Variants in TMPRSS7 observed in about 807,000 individuals in gnomAD.
The protein encoded by TMPRSS7 is transmembrane protease serine 7.
In TMPRSS7, 81 loss-of-function variants were observed where a neutral mutation model predicts 95.6. The observed-to-expected ratio is 0.85, with a 90% CI of 0.71 to 1.02. The LOEUF is 1.02. TMPRSS7 is among the 50% of genes least tolerant of loss of function. The pLI is 0.00. For synonymous variants in TMPRSS7, 364 were observed against 337.8 expected, an observed-to-expected ratio of 1.08 and a Z score of -0.85; for missense variants, 945 against 955.2, an observed-to-expected ratio of 0.99 and a Z score of 0.14.
intron 13 of TMPRSS7, among the ~76,000 whole-genome samples, chr3:112,073,896 T>A (rs905337085): frequency 2.6e-5 from 4 of 152,232 alleles, no homozygotes; most frequent in African/African-American, 9.6e-5. Context: ...CACAAGTCTG[T>A]CCATTTTGCC....
intron 16 of TMPRSS7, among the ~76,000 whole-genome samples, chr3:112,078,176 T>C (rs2073735901): frequency 6.6e-6 from 1 of 152,212 alleles, no homozygotes; most frequent in African/African-American, 2.4e-5. Context: ...GCTCAGTGCT[T>C]TGATTACATT....
intron 11 of TMPRSS7, among the ~76,000 whole-genome samples, chr3:112,062,290 A>T (rs577998100): frequency 2.8e-4 from 43 of 152,354 alleles, no homozygotes; most frequent in Non-Finnish European, 3.2e-4. Flanking sequence ...CATGTAGTGG[A>T]TCCAAAGCCA....
chr3:112,048,320 G>A (rs1369624375), intron 7 of TMPRSS7, among the ~76,000 whole-genome samples: 1 of 152,118 alleles, frequency 6.6e-6, no homozygotes, highest in African/African-American at 2.4e-5. Context: ...TATGATGATT[G>A]CATCACATTA....
At chr3:112,039,371 T>C (rs923110113) in intron 2 of TMPRSS7, among the ~76,000 whole-genome samples, 5 of 152,246 alleles carry the variant, frequency 3.3e-5, no homozygotes, top group African/African-American at 1.2e-4. Context: ...TTTATATACA[T>C]ACATTTTGTT....
At chr3:112,054,494 T>C (rs1014836629) in intron 9 of TMPRSS7, among the ~76,000 whole-genome samples, 2 of 152,144 alleles carry the variant, frequency 1.3e-5, no homozygotes, top group Non-Finnish European at 2.9e-5. Flanking sequence ...AAATGTAGAA[T>C]TGTGTGCAAT....
intron 7 of TMPRSS7, among the ~76,000 whole-genome samples, chr3:112,048,579 AGG>A (rs1559954599): frequency 1.4e-4 from 21 of 152,344 alleles, no homozygotes; most frequent in African/African-American, 4.8e-4. Flanking sequence ...ATAATGAATT[AGG>A]CTTCATTAAG....
intron 1 of TMPRSS7, among the ~76,000 whole-genome samples, chr3:112,035,416 C>T (rs2073144385): frequency 6.6e-6 from 1 of 152,202 alleles, no homozygotes; most frequent in African/African-American, 2.4e-5. Context: ...CAACACTTCA[C>T]TCCAGGGGTT....
rs537032397 is a variant in TMPRSS7, at chr3:112,066,345, C to A, written c.1556-47C>A. 6.7e-5 allele frequency: 104 copies of A among 1,546,666 alleles called. 4 individuals carry two copies. In the South Asian group the frequency reaches 1.2e-3, roughly 17 times the overall value. ...CACTGCTGATCATCAGAGAACCCAG[C>A]TGGTGTCTCAGGCTCGTGAACTTTC... is the stretch of plus-strand genomic sequence containing the variant. On this transcript the variant is annotated intron_variant, in intron 12 of 17. Transcript: ENST00000452346.
chr3:112,057,930 T>C (rs534006999), intron 10 of TMPRSS7, among the ~76,000 whole-genome samples: 2 of 152,252 alleles, frequency 1.3e-5, no homozygotes, highest in East Asian at 1.9e-4. Context: ...TTTGCCATGT[T>C]GGCCGGGCTG....
chr3:112,044,271 C>T lies in TMPRSS7; in HGVS notation c.446C>T (p.Thr149Ile). 1 of 1,550,722 alleles carries T rather than the reference C, an allele frequency of 6.4e-7. No individual in the cohort carries two copies. The highest frequency in any genetic ancestry group is 1.4e-5 in the African/African-American group (1 of 73,134). ...CTTTTTCAGATAAACCTGGTTTATA[C>T]AACATCTGCCTTCTCCAAATTTTAT... The change falls in exon 4 of 18, where the codon ACA (threonine) becomes ATA (isoleucine). Residue 149 changes from threonine (T) to isoleucine (I), a missense_variant. Transcript: ENST00000452346.
chr3:112,045,613 T>C, intron 4 of TMPRSS7, 137 bp from the exon 5 acceptor site: 1 of 756,604 alleles, frequency 1.3e-6, no homozygotes. Flanking sequence ...ATAACAGACG[T>C]CAATGACTAC....
intron 10 of TMPRSS7, among the ~76,000 whole-genome samples, chr3:112,057,530 A>G (rs1028860019): frequency 2.6e-5 from 4 of 152,140 alleles, no homozygotes; most frequent in Non-Finnish European, 5.9e-5. Flanking sequence ...GGATCCTGAG[A>G]CTGGGAAATG....
At chr3:112,061,853 G>A in exon 11 of TMPRSS7, 1 of 1,612,736 alleles carries the variant, frequency 6.2e-7, no homozygotes, top group Non-Finnish European at 8.5e-7. Flanking sequence ...TTCACATTCA[G>A]CTCCAGTGCA....
At chr3:112,041,148 G>C (rs979807276) in intron 2 of TMPRSS7, among the ~76,000 whole-genome samples, 1 of 151,526 alleles carries the variant, frequency 6.6e-6, no homozygotes, top group South Asian at 2.1e-4. Context: ...AAAAACAACT[G>C]TTGTTTTATA....
intron 13 of TMPRSS7, among the ~76,000 whole-genome samples, chr3:112,072,042 T>G (rs1049970686): frequency 3.3e-5 from 5 of 152,230 alleles, no homozygotes; most frequent in African/African-American, 1.2e-4. Flanking sequence ...GTTTTTAGAA[T>G]TTTCAGCTTT....
intron 5 of TMPRSS7, among the ~76,000 whole-genome samples, chr3:112,046,594 A>C (rs545300737): frequency 2.0e-5 from 3 of 152,338 alleles, no homozygotes; most frequent in African/African-American, 7.2e-5. Flanking sequence ...AATAAAGGAA[A>C]AATCTCATAG....
At chr3:112,047,042 C>A (rs565875526) in intron 6 of TMPRSS7, 30 bp downstream of exon 6, 2 of 701,094 alleles carry the variant, frequency 2.9e-6, no homozygotes, top group African/African-American at 1.7e-5. Flanking sequence ...TCCCCCTCCC[C>A]CCATGTTAAT....
intron 9 of TMPRSS7, among the ~76,000 whole-genome samples, chr3:112,051,739 G>T (rs1011074744): frequency 3.3e-5 from 5 of 149,998 alleles, no homozygotes; most frequent in African/African-American, 1.2e-4. Flanking sequence ...GCTAGATAGG[G>T]CATTTATGCT....
intron 12 of TMPRSS7, among the ~76,000 whole-genome samples, chr3:112,063,882 G>T (rs2073543614): frequency 6.6e-6 from 1 of 152,104 alleles, no homozygotes; most frequent in Non-Finnish European, 1.5e-5. Flanking sequence ...ACCTGAGCTT[G>T]GTTCTTCCAA....
Sources: gnomAD v4.1 joint callset for allele counts (sites outside exome capture counted in the v4.1 genomes callset) on GRCh38, gnomAD v4.1.1 for gene constraint, MANE v1.5 for transcripts, NCBI Gene and HGNC (gene_info 2026-07-23, HGNC 2026-07-21) for gene names.